Variants in ANK3 observed in about 807,000 individuals in gnomAD.
The protein encoded by ANK3 is ankyrin 3.
In ANK3, 57 loss-of-function variants were observed where a neutral mutation model predicts 370.9. The observed-to-expected ratio is 0.15, with a 90% CI of 0.12 to 0.19. The LOEUF (loss-of-function observed/expected upper bound fraction) is 0.19. Ranked by LOEUF, ANK3 falls within the 10% of genes least tolerant of loss-of-function variation. ANK3 has a pLI of 1.00. For synonymous variants in ANK3, 1,929 were observed against 1,946.3 expected (o/e 0.99, Z 0.23); for missense variants, 4,439 against 5,302.1 (o/e 0.84, Z 5.06).
intron 1 of ANK3, among the ~76,000 whole-genome samples, chr10:60,693,450 A>C (rs376288884): frequency 2.6e-5 from 4 of 152,214 alleles, no homozygotes; most frequent in Non-Finnish European, 5.9e-5. Context: ...GGGGGCAGGG[A>C]ACAGACAAAC....
intron 23 of ANK3, among the ~76,000 whole-genome samples, chr10:60,165,392 A>T (rs969450852): frequency 3.3e-5 from 5 of 152,232 alleles, no homozygotes; most frequent in Non-Finnish European, 7.3e-5. Flanking sequence ...AGGTAAATGT[A>T]TAGCAGATGT....
chr10:60,086,991 CAAAAAAA>C, intron 29 of ANK3, 107 bp from the exon 30 acceptor site: 1 of 143,712 alleles, frequency 7.0e-6, no homozygotes, highest in South Asian at 1.5e-4. Context: ...AACAGACAAC[CAAAAAAA>C]AAAAAAAAAA....
chr10:60,313,812 C>A (rs2046846704), intron 1 of ANK3, among the ~76,000 whole-genome samples: 1 of 152,054 alleles, frequency 6.6e-6, no homozygotes, highest in Admixed American at 6.6e-5. Context: ...TAATTGATGA[C>A]AATATCTCAT....
chr10:60,285,009 T>G (rs953955553), intron 1 of ANK3, among the ~76,000 whole-genome samples: 1 of 152,060 alleles, frequency 6.6e-6, no homozygotes, highest in Admixed American at 6.6e-5. Flanking sequence ...AAAGTTTCCT[T>G]CCACTTTTCT....
chr10:60,334,930 C>G (rs1027979479), intron 1 of ANK3, among the ~76,000 whole-genome samples: 6 of 152,014 alleles, frequency 3.9e-5, no homozygotes, highest in Non-Finnish European at 5.9e-5. Flanking sequence ...TGGAGTCTAT[C>G]ACTTTCATCA....
chr10:60,266,036 T>C (rs917289527), intron 5 of ANK3, among the ~76,000 whole-genome samples: 7 of 152,274 alleles, frequency 4.6e-5, no homozygotes, highest in African/African-American at 1.7e-4. Context: ...ATGCCACCTG[T>C]TTCTTTTAAC....
chr10:60,064,369 C>A (rs2081207999), intron 38 of ANK3, 81 bp from the exon 39 acceptor site: 2 of 1,389,678 alleles, frequency 1.4e-6, no homozygotes, highest in South Asian at 1.4e-5. Flanking sequence ...TCAATTGCCA[C>A]AAAAAGAAAA....
intron 42 of ANK3, among the ~76,000 whole-genome samples, chr10:60,047,913 T>G (rs1225825358): frequency 6.6e-6 from 1 of 152,178 alleles, no homozygotes; most frequent in African/African-American, 2.4e-5. Flanking sequence ...ATCAGCACAT[T>G]CATTTAAGTC....
At chr10:60,253,168 G>A (rs1455671924) in intron 7 of ANK3, among the ~76,000 whole-genome samples, 1 of 152,198 alleles carries the variant, frequency 6.6e-6, no homozygotes, top group Non-Finnish European at 1.5e-5. Flanking sequence ...GTGAAAGGGG[G>A]AGGGAAGCTG....
chr10:60,313,028 C>T (rs1257297043), intron 1 of ANK3, among the ~76,000 whole-genome samples: 4 of 152,204 alleles, frequency 2.6e-5, no homozygotes, highest in African/African-American at 9.7e-5. Flanking sequence ...GCTGGGAAGG[C>T]CAGTCCCGGT....
intron 9 of ANK3, among the ~76,000 whole-genome samples, chr10:60,210,771 GAA>G (rs2096841527): frequency 6.6e-6 from 1 of 152,178 alleles, no homozygotes; most frequent in Non-Finnish European, 1.5e-5. Flanking sequence ...TTCAGAATAT[GAA>G]AAGAGGATTT....
chr10:60,578,831 C>T (rs2077713174), intron 2 of ANK3, among the ~76,000 whole-genome samples: 1 of 152,160 alleles, frequency 6.6e-6, no homozygotes, highest in African/African-American at 2.4e-5. Flanking sequence ...AATTAGATTT[C>T]TTAAAATTTT....
At chr10:60,601,389 G>A (rs2133305788) in intron 2 of ANK3, among the ~76,000 whole-genome samples, 1 of 152,096 alleles carries the variant, frequency 6.6e-6, no homozygotes, top group Non-Finnish European at 1.5e-5. Context: ...CAACATCAAT[G>A]GTAAGTCACG....
chr10:60,582,129 G>A (rs2077763164), intron 2 of ANK3, among the ~76,000 whole-genome samples: 3 of 152,192 alleles, frequency 2.0e-5, no homozygotes, highest in Middle Eastern at 3.4e-3. Flanking sequence ...CAGGGGTTGC[G>A]GGGCTAGGGG....
intron 40 of ANK3, chr10:60,059,877 C>G (rs775740100): frequency 1.2e-6 from 2 of 1,614,190 alleles, no homozygotes; most frequent in Non-Finnish European, 1.7e-6. Context: ...ATCACTCAGT[C>G]TACTAGGGGT....
intron 2 of ANK3, among the ~76,000 whole-genome samples, chr10:60,517,908 C>G (rs1429738697): frequency 6.6e-6 from 1 of 152,044 alleles, no homozygotes; most frequent in African/African-American, 2.4e-5. Flanking sequence ...AACCACCCCA[C>G]TGGCTAGCTG....
At position 60,152,857 on chromosome 10, in the gene ANK3, A is replaced by G. The variant is rs565368350; in HGVS notation, c.2614+13734T>C. Reference sequence around the variant, plus strand: ...CCTCCTCAAGGTAATTGCTTTCTATATATTCTTTTCCTTCCTTAAAAATCT... The same window carrying G: ...CCTCCTCAAGGTAATTGCTTTCTATGTATTCTTTTCCTTCCTTAAAAATCT... On this transcript the variant is annotated intron_variant, in intron 23 of 43. Transcript: ENST00000280772. Among the ~76,000 whole-genome samples, 378 of 152,214 alleles carry G rather than the reference A, an allele frequency of 2.5e-3. 4 individuals are homozygous for G. The highest frequency in any genetic ancestry group is 8.6e-3 in the African/African-American group (358 of 41,530).
At chr10:60,290,635 G>C (rs1392356286) in intron 1 of ANK3, among the ~76,000 whole-genome samples, 2 of 152,134 alleles carry the variant, frequency 1.3e-5, no homozygotes, top group Non-Finnish European at 2.9e-5. Flanking sequence ...CATGGATTTT[G>C]CTTGGAAGTA....
chr10:60,180,231 A>G (rs2132340030), intron 18 of ANK3, among the ~76,000 whole-genome samples: 1 of 152,302 alleles, frequency 6.6e-6, no homozygotes, highest in Non-Finnish European at 1.5e-5. Context: ...GAACCTGCCT[A>G]TATTACATAT....
Sources: allele counts gnomAD v4.1 joint callset (sites outside exome capture counted in the v4.1 genomes callset), GRCh38; gene constraint gnomAD v4.1.1; transcripts MANE v1.5; gene names NCBI Gene and HGNC (gene_info 2026-07-23, HGNC 2026-07-21).